TAFA2: variants seen among roughly 807,000 people sequenced by gnomAD.
TAFA2 encodes TAFA chemokine like family member 2.
Under a neutral mutation model 18.8 loss-of-function variants are expected in TAFA2, and 7 were observed. The ratio of observed to expected loss-of-function variants is 0.37; its 90% CI spans 0.21 to 0.70. The LOEUF (loss-of-function observed/expected upper bound fraction) is 0.70. TAFA2 is among the 30% of genes least tolerant of loss of function. The pLI is 0.53. For synonymous variants in TAFA2, 60 were observed against 54.2 expected, an observed-to-expected ratio of 1.11 and a Z score of -0.47; for missense variants, 122 against 158.1, an observed-to-expected ratio of 0.77 and a Z score of 1.23.
At chr12:62,225,105 T>TA (rs538270790) in intron 1 of TAFA2, among the ~76,000 whole-genome samples, 15 of 149,104 alleles carry the variant, frequency 1.0e-4, no homozygotes, top group African/African-American at 2.2e-4. Flanking sequence ...TAAAAAAATT[T>TA]AAAAAAAAAA....
intron 2 of TAFA2, among the ~76,000 whole-genome samples, chr12:61,839,627 C>A (rs1251125803): frequency 6.6e-6 from 1 of 152,024 alleles, no homozygotes; most frequent in Non-Finnish European, 1.5e-5. Context: ...AGCCATTATT[C>A]TAGGCATATT....
intron 1 of TAFA2, among the ~76,000 whole-genome samples, chr12:62,236,050 C>G (rs1379974860): frequency 1.3e-5 from 2 of 151,892 alleles, no homozygotes; most frequent in Non-Finnish European, 2.9e-5. Flanking sequence ...TTCCCCCACT[C>G]ATACATTCTG....
chr12:61,943,743 A>T (rs1372481450), intron 1 of TAFA2, among the ~76,000 whole-genome samples: 1 of 149,414 alleles, frequency 6.7e-6, no homozygotes, highest in Non-Finnish European at 1.5e-5. Flanking sequence ...CAATTCAACA[A>T]GAGGAGCTAA....
chr12:62,044,155 A>C (rs1881845314), intron 1 of TAFA2, among the ~76,000 whole-genome samples: 2 of 152,052 alleles, frequency 1.3e-5, no homozygotes, highest in Admixed American at 6.6e-5. Flanking sequence ...AAAAAAAAAA[A>C]GTATTTTTTT....
chr12:62,078,605 T>A (rs1056056402), intron 1 of TAFA2, among the ~76,000 whole-genome samples: 1 of 152,100 alleles, frequency 6.6e-6, no homozygotes, highest in Admixed American at 6.5e-5. Flanking sequence ...ACTGTGCAGA[T>A]GCTAAAAATT....
chr12:61,927,069 GAAAAAAAAAAAAAAA>G (rs56908081), intron 1 of TAFA2, among the ~76,000 whole-genome samples: 4 of 69,904 alleles, frequency 5.7e-5, no homozygotes, highest in African/African-American at 1.2e-4. Flanking sequence ...GTGAGACTCT[GAAAAAAAAAAAAAAA>G]AAAAAAAAAA....
intron 1 of TAFA2, among the ~76,000 whole-genome samples, chr12:61,972,980 A>T (rs1879302367): frequency 6.6e-6 from 1 of 151,714 alleles, no homozygotes; most frequent in Non-Finnish European, 1.5e-5. Context: ...TACCCTATTC[A>T]AATGCTAGTA....
At chr12:62,128,931 T>C (rs2136890677) in intron 1 of TAFA2, among the ~76,000 whole-genome samples, 1 of 152,182 alleles carries the variant, frequency 6.6e-6, no homozygotes, top group Admixed American at 6.6e-5. Context: ...TGCAGACACA[T>C]AAAATTAATT....
At chr12:61,712,498 C>T (rs1260623858) in intron 4 of TAFA2, among the ~76,000 whole-genome samples, 1 of 152,052 alleles carries the variant, frequency 6.6e-6, no homozygotes, top group Non-Finnish European at 1.5e-5. Flanking sequence ...TATACACACA[C>T]ATAAACATAC....
At chr12:61,913,832 G>A (rs892558858) in intron 1 of TAFA2, among the ~76,000 whole-genome samples, 9 of 152,128 alleles carry the variant, frequency 5.9e-5, no homozygotes, top group Admixed American at 1.3e-4. Context: ...ACAGTCAGAC[G>A]ACAGGAGACA....
chr12:61,845,116 A>T (rs1374741579), intron 2 of TAFA2, among the ~76,000 whole-genome samples: 6 of 152,094 alleles, frequency 3.9e-5, no homozygotes, highest in Non-Finnish European at 1.5e-5. Flanking sequence ...AATAAAGTCA[A>T]ATGAAAAACT....
chr12:62,021,865 C>T (rs1054921126), intron 1 of TAFA2: 14 of 773,394 alleles, frequency 1.8e-5, no homozygotes, highest in South Asian at 2.7e-5. Flanking sequence ...TTTAGTCCTC[C>T]GTCCTCGGAG....
chr12:62,218,832 A>T (rs1326880863), intron 1 of TAFA2, among the ~76,000 whole-genome samples: 1 of 152,120 alleles, frequency 6.6e-6, no homozygotes, highest in Non-Finnish European at 1.5e-5. Context: ...TTAAATTGGA[A>T]TAGTTTTCTA....
chr12:61,889,859 C>G (rs1249934490), intron 1 of TAFA2, among the ~76,000 whole-genome samples: 2 of 152,194 alleles, frequency 1.3e-5, no homozygotes, highest in Admixed American at 1.3e-4. Context: ...GGACTGCCTA[C>G]ACATAGAAAA....
intron 1 of TAFA2, among the ~76,000 whole-genome samples, chr12:61,996,784 T>C (rs755837731): frequency 2.0e-4 from 30 of 152,068 alleles, no homozygotes; most frequent in Non-Finnish European, 3.7e-4. Flanking sequence ...CGCTTTGGGG[T>C]GGGAGGGATC....
At position 62,206,250 on chromosome 12, in the gene TAFA2, T is replaced by C. The variant is rs1215738631; in HGVS notation, c.-130+52513A>G. On this transcript the variant is annotated intron_variant, in intron 1 of 5. Coordinates refer to the TAFA2 transcript ENST00000551619. ...CATGGAAAGCAGAGTATTCCCATCA[T>C]AGATGAAAGGACATCTGTCTTGGAT... Among the ~76,000 whole-genome samples, 8 of 152,190 alleles carry C rather than the reference T, an allele frequency of 5.3e-5. 1 individual carries two copies. Among genetic ancestry groups the C allele is most frequent in the African/African-American group, 2.4e-5 (1 of 41,442 alleles).
At chr12:62,090,057 C>T (rs1318168397) in intron 1 of TAFA2, among the ~76,000 whole-genome samples, 1 of 152,034 alleles carries the variant, frequency 6.6e-6, no homozygotes, top group African/African-American at 2.4e-5. Context: ...ATATTGTGAG[C>T]CACACATAGC....
At chr12:62,114,243 G>A (rs1985875) in intron 1 of TAFA2, among the ~76,000 whole-genome samples, 34,118 of 152,058 alleles carry the variant, frequency 0.22, 4,208 homozygotes, top group East Asian at 0.37. Context: ...GGCTAGGGGA[G>A]GGAGTTCCCT....
intron 2 of TAFA2, among the ~76,000 whole-genome samples, chr12:61,775,690 C>G (rs149362267): frequency 3.3e-5 from 5 of 151,846 alleles, no homozygotes; most frequent in African/African-American, 1.2e-4. Flanking sequence ...ATAGTCTATA[C>G]GACACTATAA....
Sources: allele counts gnomAD v4.1 joint callset (sites outside exome capture counted in the v4.1 genomes callset), GRCh38; gene constraint gnomAD v4.1.1; transcripts MANE v1.5; gene names NCBI Gene and HGNC (gene_info 2026-07-23, HGNC 2026-07-21).